SLC41A2: variants seen among roughly 807,000 people sequenced by gnomAD.
SLC41A2 encodes the protein solute carrier family 41 member 2.
In SLC41A2, 32 loss-of-function variants were observed where a neutral mutation model predicts 58.3. That is an observed-to-expected ratio of 0.55 (90% CI 0.41 to 0.74). SLC41A2 has a LOEUF of 0.74. Among genes scored for constraint, SLC41A2 ranks in the 30% least tolerant of loss-of-function variants. SLC41A2 has a pLI of 0.00. For missense variants in SLC41A2, 514 were observed against 680.6 expected (o/e 0.76, Z 2.72); for synonymous variants, 190 against 235.0 (o/e 0.81, Z 1.75).
rs141325482 is a variant in SLC41A2, at chr12:104,830,488, T to C, written c.1536+13984A>G. Among the ~76,000 whole-genome samples, 739 of 152,282 alleles carry C rather than the reference T, an allele frequency of 4.9e-3. 2 individuals are homozygous for C. Among genetic ancestry groups the C allele is most frequent in the Non-Finnish European group, 7.7e-3 (523 of 68,002 alleles). On this transcript the variant is annotated intron_variant, in intron 10 of 10. Coordinates refer to ENST00000258538, the MANE Select transcript of SLC41A2 (RefSeq NM_001352171.3). Reference sequence around the variant, plus strand: ...AACTCTGTGGAATTTTTTTCCTGAATATTTTTGATCCAAGGTTAGTTGAAT... The same window carrying C: ...AACTCTGTGGAATTTTTTTCCTGAACATTTTTGATCCAAGGTTAGTTGAAT...
At chr12:104,903,013 T>C (rs1489359398) in intron 3 of SLC41A2, among the ~76,000 whole-genome samples, 1 of 152,230 alleles carries the variant, frequency 6.6e-6, no homozygotes, top group African/African-American at 2.4e-5. Flanking sequence ...TCCCATCTAC[T>C]AATTTGCTTG....
At position 104,813,973 on chromosome 12, in the gene SLC41A2, G is replaced by A. The variant is rs183093319; in HGVS notation, c.1537-8636C>T. Among the ~76,000 whole-genome samples the A allele has an allele frequency of 8.8e-4, 134 of 152,174 alleles. 1 individual carries two copies. The highest frequency in any genetic ancestry group is 3.1e-3 in the African/African-American group (130 of 41,510). On this transcript the variant is annotated intron_variant, in intron 10 of 10. Transcript: ENST00000258538. The stretch of plus-strand genomic sequence containing the variant: ...TAAAAAATTGAAATAGAATAGAATG[G>A]ACTAGAATAGAAAGTAGCATGTGTA...
chr12:104,830,378 T>A (rs1475633952), intron 10 of SLC41A2, among the ~76,000 whole-genome samples: 1 of 152,220 alleles, frequency 6.6e-6, no homozygotes, highest in African/African-American at 2.4e-5. Flanking sequence ...AGATTACTTA[T>A]ATAATACCTA....
In SLC41A2 at chr12:104,874,629, T is replaced by A. The variant is rs192790223; in HGVS notation, c.1028-8050A>T. On this transcript the variant is annotated intron_variant, in intron 6 of 10. Transcript: ENST00000258538. ...AAGAGACTATTCTTTCCCAATTGTG[T>A]CTTCTTGGTGCCCTTGTTAAAAATT... is the stretch of plus-strand genomic sequence containing the variant. Among the ~76,000 whole-genome samples the A allele has an allele frequency of 2.8e-4, 42 of 152,318 alleles. 1 individual carries two copies. The East Asian group carries it at 5.0e-3, about 18-fold the overall frequency.
At position 104,814,778 on chromosome 12, in the gene SLC41A2, A is replaced by G. The variant is rs192314944; in HGVS notation, c.1537-9441T>C. On this transcript the variant is annotated intron_variant, in intron 10 of 10. Transcript: ENST00000258538. Reference sequence around the variant, plus strand: ...TGGTGCCATCATCACTAATACATCAATTATTACACTGTCTCAGAATTTATG... The same window carrying G: ...TGGTGCCATCATCACTAATACATCAGTTATTACACTGTCTCAGAATTTATG... Among the ~76,000 whole-genome samples, 211 of 152,366 alleles carry G rather than the reference A, an allele frequency of 1.4e-3. 1 individual carries two copies. Among genetic ancestry groups the G allele is most frequent in the Non-Finnish European group, 1.6e-3 (110 of 68,034 alleles).
chr12:104,943,827 C>A (rs771337846), intron 1 of SLC41A2, among the ~76,000 whole-genome samples: 4 of 152,084 alleles, frequency 2.6e-5, no homozygotes, highest in Non-Finnish European at 5.9e-5. Flanking sequence ...TTAGCTCGCA[C>A]CCAAACAATC....
intron 10 of SLC41A2, among the ~76,000 whole-genome samples, chr12:104,839,362 A>T (rs1014119345): frequency 6.6e-6 from 1 of 152,134 alleles, no homozygotes; most frequent in Non-Finnish European, 1.5e-5. Flanking sequence ...TAACAGTAAA[A>T]CAAAAGGGGT....
At chr12:104,887,741 A>C (rs532410429) in intron 5 of SLC41A2, among the ~76,000 whole-genome samples, 1 of 152,138 alleles carries the variant, frequency 6.6e-6, no homozygotes, top group Non-Finnish European at 1.5e-5. Context: ...CAGTGGAAAG[A>C]GCTAAGAGTT....
At chr12:104,869,974 T>G (rs914941480) in intron 6 of SLC41A2, among the ~76,000 whole-genome samples, 3 of 152,170 alleles carry the variant, frequency 2.0e-5, no homozygotes, top group African/African-American at 7.2e-5. Flanking sequence ...AAATAATATT[T>G]TGTATTAAAA....
intron 6 of SLC41A2, 149 bp downstream of exon 6, chr12:104,886,144 G>T (rs1593072239): frequency 1.4e-6 from 1 of 702,316 alleles, no homozygotes; most frequent in Non-Finnish European, 2.2e-6. Context: ...ACACATAGTA[G>T]GTATAAAACA....
At chr12:104,859,209 G>C (rs575053054) in intron 8 of SLC41A2, among the ~76,000 whole-genome samples, 30 of 152,264 alleles carry the variant, frequency 2.0e-4, no homozygotes, top group African/African-American at 6.0e-4. Context: ...ACCATGTACA[G>C]AGGGCCTTGA....
intron 3 of SLC41A2, among the ~76,000 whole-genome samples, chr12:104,904,175 A>T (rs2045697609): frequency 6.6e-6 from 1 of 152,208 alleles, no homozygotes; most frequent in African/African-American, 2.4e-5. Flanking sequence ...ATGCTCAAGA[A>T]CAATACTTTT....
At position 104,850,257 on chromosome 12, in the gene SLC41A2, C is replaced by T. The variant is rs79995570; in HGVS notation, c.1256-4283G>A. ...TGTTTTGTTTTTATAATAGGATTAT[C>T]TGGCTTGTGCTAGATTATTAATTCT... On this transcript the variant is annotated intron_variant, in intron 8 of 10. Coordinates refer to ENST00000258538, the MANE Select transcript of SLC41A2 (RefSeq NM_001352171.3). Among the ~76,000 whole-genome samples, 1,524 of 152,216 alleles carry T rather than the reference C, an allele frequency of 0.01. 46 individuals are homozygous for T. In the East Asian group the frequency reaches 0.12, roughly 12 times the overall value.
intron 10 of SLC41A2, among the ~76,000 whole-genome samples, chr12:104,827,942 A>G (rs1419451301): frequency 6.6e-6 from 1 of 151,962 alleles, no homozygotes; most frequent in Admixed American, 6.6e-5. Flanking sequence ...AGGAGGGCAT[A>G]GTCCCTGGCT....
intron 10 of SLC41A2, among the ~76,000 whole-genome samples, chr12:104,836,240 C>A (rs1309504557): frequency 2.0e-5 from 3 of 152,196 alleles, no homozygotes; most frequent in Non-Finnish European, 4.4e-5. Flanking sequence ...AACTTCTATG[C>A]CAACTGCCTC....
At chr12:104,940,742 A>AC (rs1465625542) in intron 1 of SLC41A2, among the ~76,000 whole-genome samples, 5 of 151,762 alleles carry the variant, frequency 3.3e-5, no homozygotes, top group African/African-American at 7.3e-5. Flanking sequence ...ATAGGGTGAA[A>AC]CCCCATCTCT....
chr12:104,927,394 C>A (rs2046884881), intron 2 of SLC41A2, among the ~76,000 whole-genome samples: 1 of 151,884 alleles, frequency 6.6e-6, no homozygotes, highest in South Asian at 2.1e-4. Flanking sequence ...TCTTTGTATA[C>A]CAATTTGGAG....
At chr12:104,867,489 T>G (rs2043525112) in intron 6 of SLC41A2, among the ~76,000 whole-genome samples, 1 of 152,020 alleles carries the variant, frequency 6.6e-6, no homozygotes, top group Non-Finnish European at 1.5e-5. Context: ...ATTTTGATCT[T>G]ACAGAATGCT....
In SLC41A2 at chr12:104,927,360, G is replaced by A. The variant is rs2135881062; in HGVS notation, c.555+613C>T. ...GTATATACATACAATGGAATATCATGCACTCAGTTTAAAATGCAGAAAATC... is the reference window on the plus strand; with the variant it reads ...GTATATACATACAATGGAATATCATACACTCAGTTTAAAATGCAGAAAATC... On this transcript the variant is annotated intron_variant, in intron 2 of 10. Coordinates refer to ENST00000258538, the MANE Select transcript of SLC41A2 (RefSeq NM_001352171.3). Among the ~76,000 whole-genome samples, 2 of 152,270 alleles carry A rather than the reference G, an allele frequency of 1.3e-5. 1 individual carries two copies. The highest frequency in any genetic ancestry group is 4.1e-4 in the South Asian group (2 of 4,824).
Sources: gnomAD v4.1 joint callset for allele counts (sites outside exome capture counted in the v4.1 genomes callset) on GRCh38, gnomAD v4.1.1 for gene constraint, MANE v1.5 for transcripts, NCBI Gene and HGNC (gene_info 2026-07-23, HGNC 2026-07-21) for gene names.